The following BBX variants were observed in gnomAD, a reference collection of about 807,000 sequenced individuals.
BBX encodes BBX high mobility group box domain containing.
In BBX, 30 loss-of-function variants were observed where a neutral mutation model predicts 100.2. That is an observed-to-expected ratio of 0.30 (90% confidence interval 0.22 to 0.41). The LOEUF is 0.41. Among genes scored for constraint, BBX ranks in the 10% least tolerant of loss-of-function variants. The pLI, the probability that BBX is intolerant of heterozygous loss-of-function variation, is 1.00. For missense variants in BBX, 1,023 were observed against 1,129.8 expected, an observed-to-expected ratio of 0.91 and a Z score of 1.35; for synonymous variants, 376 against 388.1, an observed-to-expected ratio of 0.97 and a Z score of 0.37.
Position 107,792,810 on chromosome 3 carries a change from A to C in BBX, c.2353+1511A>C, listed in dbSNP as rs145014220. ...TAGCAGAAGAGTTTGAAGGACATTT[A>C]GGACCACTTTACTCTTTACTTAAAA... On this transcript the variant is annotated intron_variant, in intron 15 of 17. Coordinates refer to ENST00000325805, the MANE Select transcript of BBX (RefSeq NM_001142568.3). 6.2e-3 allele frequency among the ~76,000 whole-genome samples: 945 copies of C among 152,322 alleles called. 9 individuals carry two copies. The highest frequency in any genetic ancestry group is 0.021 in the African/African-American group (891 of 41,562).
intron 10 of BBX, among the ~76,000 whole-genome samples, chr3:107,768,194 G>A (rs2066550282): frequency 6.6e-6 from 1 of 152,068 alleles, no homozygotes. Context: ...TTTGCTTTAG[G>A]TGCTTCCGTT....
chr3:107,729,175 A>G (rs2063157316), intron 6 of BBX, among the ~76,000 whole-genome samples: 2 of 152,186 alleles, frequency 1.3e-5, no homozygotes, highest in Admixed American at 1.3e-4. Flanking sequence ...GTCATTATAA[A>G]TATATGTGAA....
chr3:107,739,382 C>T (rs1265526707), intron 7 of BBX, among the ~76,000 whole-genome samples: 2 of 152,222 alleles, frequency 1.3e-5, no homozygotes, highest in Non-Finnish European at 2.9e-5. Flanking sequence ...AATGGGCTCT[C>T]TGAGCTTCCT....
chr3:107,551,621 A>G (rs2049688750), intron 2 of BBX, among the ~76,000 whole-genome samples: 1 of 152,242 alleles, frequency 6.6e-6, no homozygotes, highest in South Asian at 2.1e-4. Flanking sequence ...GTAAGGGAAT[A>G]TAGTCCTGAA....
intron 7 of BBX, among the ~76,000 whole-genome samples, chr3:107,738,702 A>G (rs2063842652): frequency 6.6e-6 from 1 of 152,120 alleles, no homozygotes; most frequent in African/African-American, 2.4e-5. Context: ...AGCTCTGGCC[A>G]CTTCTCCTGT....
intron 2 of BBX, among the ~76,000 whole-genome samples, chr3:107,627,096 C>T (rs146103349): frequency 1.2e-4 from 18 of 152,284 alleles, no homozygotes; most frequent in African/African-American, 3.4e-4. Context: ...ACTGCTTACA[C>T]GGGTCAGCCC....
intron 2 of BBX, among the ~76,000 whole-genome samples, chr3:107,604,892 A>C (rs1254444091): frequency 6.6e-6 from 1 of 152,222 alleles, no homozygotes; most frequent in Non-Finnish European, 1.5e-5. Context: ...GCAATTTTAA[A>C]GAATGATCTA....
At chr3:107,544,592 T>C (rs934322611) in intron 2 of BBX, among the ~76,000 whole-genome samples, 19 of 152,094 alleles carry the variant, frequency 1.2e-4, no homozygotes, top group African/African-American at 4.3e-4. Context: ...AATAGAAGCC[T>C]GGCACAGTGG....
chr3:107,674,348 C>T (rs1241578000), intron 3 of BBX, among the ~76,000 whole-genome samples: 3 of 152,038 alleles, frequency 2.0e-5, no homozygotes, highest in African/African-American at 7.3e-5. Context: ...TGTCTCACTA[C>T]CCTTCTAATT....
intron 9 of BBX, among the ~76,000 whole-genome samples, chr3:107,750,629 C>T (rs928297717): frequency 2.0e-5 from 3 of 152,136 alleles, no homozygotes; most frequent in Non-Finnish European, 2.9e-5. Flanking sequence ...CAGCAGTACC[C>T]TAACTTTCAA....
intron 2 of BBX, among the ~76,000 whole-genome samples, chr3:107,589,427 A>G (rs933496493): frequency 6.6e-6 from 1 of 152,330 alleles, no homozygotes; most frequent in Admixed American, 6.5e-5. Flanking sequence ...CTTCTAGTCC[A>G]GTAGTCTTCC....
chr3:107,536,306 T>C (rs2048487210), intron 2 of BBX, among the ~76,000 whole-genome samples: 1 of 152,236 alleles, frequency 6.6e-6, no homozygotes, highest in Non-Finnish European at 1.5e-5. Flanking sequence ...TCTTTTATCT[T>C]TGCAAATTCA....
intron 15 of BBX, 33 bp downstream of exon 15, chr3:107,791,332 A>G (rs1207026384): frequency 9.5e-6 from 15 of 1,576,864 alleles, no homozygotes; most frequent in Non-Finnish European, 1.1e-5. Context: ...ATTTGAGACA[A>G]TCGGAGCTGG....
intron 2 of BBX, among the ~76,000 whole-genome samples, chr3:107,624,769 TG>T (rs1475354341): frequency 6.6e-6 from 1 of 152,194 alleles, no homozygotes; most frequent in Non-Finnish European, 1.5e-5. Context: ...CTTGGGAGGC[TG>T]AGGCACAAGA....
intron 1 of BBX, among the ~76,000 whole-genome samples, chr3:107,525,897 G>A (rs906211085): frequency 6.6e-6 from 1 of 152,196 alleles, no homozygotes; most frequent in Non-Finnish European, 1.5e-5. Flanking sequence ...GGCACCTCCC[G>A]CCGTCTCCTG....
intron 4 of BBX, chr3:107,711,247 A>T: frequency 2.2e-6 from 1 of 462,096 alleles, no homozygotes; most frequent in Non-Finnish European, 4.4e-6. Flanking sequence ...ATTTAGCTGT[A>T]TACTTATTTA....
intron 3 of BBX, among the ~76,000 whole-genome samples, chr3:107,662,143 C>T (rs569924713): frequency 2.0e-5 from 3 of 151,960 alleles, no homozygotes; most frequent in Admixed American, 6.5e-5. Context: ...ATCATATAAA[C>T]GAATTGTGTT....
intron 8 of BBX, among the ~76,000 whole-genome samples, chr3:107,745,472 T>G (rs1424831133): frequency 1.3e-5 from 2 of 151,842 alleles, no homozygotes; most frequent in African/African-American, 4.8e-5. Context: ...TGTTTTTTAT[T>G]TTTTTTTAAG....
chr3:107,780,633 G>A (rs1222837414), intron 13 of BBX, among the ~76,000 whole-genome samples: 1 of 151,968 alleles, frequency 6.6e-6, no homozygotes, highest in Non-Finnish European at 1.5e-5. Context: ...ATTTTGTTCT[G>A]CCTTCAGATT....
Sources: gnomAD v4.1 joint callset for allele counts (sites outside exome capture counted in the v4.1 genomes callset) on GRCh38, gnomAD v4.1.1 for gene constraint, MANE v1.5 for transcripts, NCBI Gene and HGNC (gene_info 2026-07-23, HGNC 2026-07-21) for gene names.